The following TMC7 variants were observed in gnomAD, a reference collection of about 807,000 sequenced individuals.
TMC7 encodes the protein transmembrane channel like 7.
TMC7 carries 54 observed loss-of-function variants against 82.9 expected under a neutral mutation model. That is an observed-to-expected ratio of 0.65 (90% confidence interval 0.52 to 0.82). The LOEUF is 0.82. Among genes scored for constraint, TMC7 ranks in the 40% least tolerant of loss-of-function variants. TMC7 has a pLI of 0.00. For missense variants in TMC7, 820 were observed against 901.2 expected, an observed-to-expected ratio of 0.91 and a Z score of 1.15; for synonymous variants, 350 against 337.9, an observed-to-expected ratio of 1.04 and a Z score of -0.39.
rs561074790 is a variant in TMC7 at position 19,031,826 on chromosome 16, G to A, written c.857+1457G>A. Among the ~76,000 whole-genome samples the A allele has an allele frequency of 5.3e-5, 8 of 152,278 alleles. No homozygotes were observed. In the South Asian group the frequency reaches 1.2e-3, roughly 24 times the overall value. On this transcript the variant is annotated intron_variant, in intron 6 of 15. Coordinates refer to ENST00000304381, the MANE Select transcript of TMC7 (RefSeq NM_024847.4). ...TCAGCCATCTTCAGCATGTGGCTTCGAAGGTCCTGCCAAGGGATGGGAAAG... is the reference window on the plus strand; with the variant it reads ...TCAGCCATCTTCAGCATGTGGCTTCAAAGGTCCTGCCAAGGGATGGGAAAG...
chr16:19,046,896 G>C (rs1248576575), intron 11 of TMC7, among the ~76,000 whole-genome samples, 167 bp from the exon 12 acceptor site: 3 of 151,218 alleles, frequency 2.0e-5, no homozygotes, highest in Non-Finnish European at 4.4e-5. Flanking sequence ...TCTGAGACTT[G>C]GAACCTGATC....
intron 11 of TMC7, among the ~76,000 whole-genome samples, chr16:19,046,516 G>A (rs561258432): frequency 6.6e-6 from 1 of 152,210 alleles, no homozygotes; most frequent in African/African-American, 2.4e-5. Context: ...CTAGGCAGAG[G>A]CCAGAGGTCC....
At chr16:19,007,801 C>G (rs1307390104) in intron 1 of TMC7, among the ~76,000 whole-genome samples, 1 of 148,552 alleles carries the variant, frequency 6.7e-6, no homozygotes, top group Non-Finnish European at 1.5e-5. Context: ...TTTTTCATTA[C>G]ACTTATCACT....
At chr16:19,046,327 A>G (rs1392668235) in intron 11 of TMC7, among the ~76,000 whole-genome samples, 1 of 152,176 alleles carries the variant, frequency 6.6e-6, no homozygotes, top group Non-Finnish European at 1.5e-5. Flanking sequence ...CCCACCCAGT[A>G]ACTTTGTGGT....
At chr16:19,005,228 T>C (rs981211055) in intron 1 of TMC7, among the ~76,000 whole-genome samples, 1 of 152,118 alleles carries the variant, frequency 6.6e-6, no homozygotes, top group African/African-American at 2.4e-5. Context: ...TAGCTGGGAC[T>C]ACAGGCACCC....
chr16:19,049,989 A>G (rs1298666448), intron 12 of TMC7, among the ~76,000 whole-genome samples: 1 of 152,164 alleles, frequency 6.6e-6, no homozygotes, highest in Non-Finnish European at 1.5e-5. Context: ...CTTGTAAAAA[A>G]CTTCAAATAA....
Position 19,059,445 on chromosome 16 carries a change from C to T in TMC7, c.2057C>T (p.Ala686Val). The change falls in exon 15 of 16, where the codon GCT becomes GTT. Residue 686 changes from alanine to valine, a missense_variant. Physicochemically the swap from Ala to Val is moderately conservative, Grantham distance 64. Transcript: ENST00000304381. Reference protein sequence around the residue: ...CLIMFYFIALAGAHKRVVIQL... With the variant: ...CLIMFYFIALVGAHKRVVIQL... ...ATCATGTTTTACTTCATTGCCTTAGCTGGAGCACACAAACGGGTGGTCATC... is the reference window on the plus strand; with the variant it reads ...ATCATGTTTTACTTCATTGCCTTAGTTGGAGCACACAAACGGGTGGTCATC... 6.2e-7 allele frequency: 1 copy of T among 1,614,068 alleles called. No individual in the cohort carries two copies. Among genetic ancestry groups the T allele is most frequent in the South Asian group, 1.1e-5 (1 of 91,072 alleles).
chr16:19,049,039 A>AT (rs987009861), intron 12 of TMC7, among the ~76,000 whole-genome samples: 2 of 151,632 alleles, frequency 1.3e-5, no homozygotes, highest in Admixed American at 6.6e-5. Context: ...TAGTTAAGAA[A>AT]TTTTTTTTTG....
intron 9 of TMC7, among the ~76,000 whole-genome samples, 178 bp from the exon 10 acceptor site, chr16:19,044,706 G>C (rs796351405): frequency 2.0e-5 from 3 of 149,266 alleles, no homozygotes; most frequent in African/African-American, 7.4e-5. Flanking sequence ...GGAGGCTGAG[G>C]CAGGAGAACT....
intron 2 of TMC7, among the ~76,000 whole-genome samples, chr16:19,011,805 T>C (rs1195627332): frequency 6.6e-6 from 1 of 152,136 alleles, no homozygotes; most frequent in African/African-American, 2.4e-5. Context: ...GGTTTTATTT[T>C]TAATTTGGGT....
intron 1 of TMC7, among the ~76,000 whole-genome samples, chr16:18,988,275 C>T (rs2038889277): frequency 6.6e-6 from 1 of 151,880 alleles, no homozygotes; most frequent in South Asian, 2.1e-4. Flanking sequence ...CTGCCTCAGC[C>T]TCCCAAGTAG....
At chr16:19,047,856 G>T (rs1961355378) in intron 12 of TMC7, among the ~76,000 whole-genome samples, 1 of 149,944 alleles carries the variant, frequency 6.7e-6, no homozygotes, top group African/African-American at 2.5e-5. Flanking sequence ...TGGGATTACA[G>T]GTGCGCTGTG....
intron 13 of TMC7, 68 bp downstream of exon 13, chr16:19,051,884 G>T: frequency 6.3e-7 from 1 of 1,579,814 alleles, no homozygotes; most frequent in Non-Finnish European, 8.6e-7. Flanking sequence ...ATGTAAAAGC[G>T]TCCGTCATAT....
chr16:19,034,660 G>A (rs1960665007), intron 6 of TMC7, among the ~76,000 whole-genome samples: 1 of 152,014 alleles, frequency 6.6e-6, no homozygotes. Flanking sequence ...TGAAGTGGGG[G>A]TTATAGCCTT....
rs1960954745 is a variant in TMC7 at position 19,040,334 on chromosome 16, C to T, written c.1225C>T (p.Leu409=). The change falls in exon 9 of 16, where the codon CTA becomes TTA. Residue 409 remains leucine (L), a synonymous_variant. Coordinates refer to ENST00000304381, the MANE Select transcript of TMC7 (RefSeq NM_024847.4). ...VFGENLFILY[L]PSIVITLANF... is the part of the protein sequence containing the mutation. ...TGGAGAGAACCTCTTCATATTGTAT[C>T]TACCGTCTATTGTGATCACGCTGGC... 6.2e-7 allele frequency: 1 copy of T among 1,613,820 alleles called. No individual in the cohort carries two copies.
At chr16:19,040,529 C>A in intron 9 of TMC7, 83 bp downstream of exon 9, 2 of 1,295,524 alleles carry the variant, frequency 1.5e-6, no homozygotes, top group Non-Finnish European at 2.1e-6. Flanking sequence ...CATCGCTAAT[C>A]AATTGTAGTG....
chr16:19,030,680 GT>G (rs1408011910), intron 6 of TMC7, among the ~76,000 whole-genome samples: 1 of 151,564 alleles, frequency 6.6e-6, no homozygotes, highest in Admixed American at 6.6e-5. Context: ...TCAGGTTCAA[GT>G]GATTCTTGTG....
chr16:19,048,618 T>A (rs1435290754), intron 12 of TMC7, among the ~76,000 whole-genome samples: 3 of 151,840 alleles, frequency 2.0e-5, no homozygotes, highest in Admixed American at 6.6e-5. Flanking sequence ...AGAGAGTTTC[T>A]CCATGTTGGT....
chr16:19,059,467 C>A lies in TMC7; in HGVS notation c.2079C>A (p.Val693=). 1 of 1,614,070 alleles carries A rather than the reference C, an allele frequency of 6.2e-7. No individual in the cohort carries two copies. Among genetic ancestry groups the A allele is most frequent in the South Asian group, 1.1e-5 (1 of 91,054 alleles). The change falls in exon 15 of 16, where the codon GTC becomes GTA. Residue 693 remains valine, a synonymous_variant. Transcript: ENST00000304381. Reference sequence around the variant, plus strand: ...TAGCTGGAGCACACAAACGGGTGGTCATCCAGCTCCGAGAGCAGCTATCCC... The same window carrying A: ...TAGCTGGAGCACACAAACGGGTGGTAATCCAGCTCCGAGAGCAGCTATCCC... ...IALAGAHKRV[V]IQLREQLSLE...
Sources: gnomAD v4.1 joint callset for allele counts (sites outside exome capture counted in the v4.1 genomes callset) on GRCh38, gnomAD v4.1.1 for gene constraint, MANE v1.5 for transcripts, NCBI Gene and HGNC (gene_info 2026-07-23, HGNC 2026-07-21) for gene names.